ZFYVE9: variants seen among roughly 807,000 people sequenced by gnomAD.
ZFYVE9 encodes zinc finger FYVE-type containing 9.
Under a neutral mutation model 126.7 loss-of-function variants are expected in ZFYVE9, and 43 were observed. That is an observed-to-expected ratio of 0.34 (90% CI 0.27 to 0.44). The LOEUF is 0.44. ZFYVE9 is among the 20% of genes least tolerant of loss of function. The pLI, the probability that ZFYVE9 is intolerant of heterozygous loss-of-function variation, is 1.00. For missense variants in ZFYVE9, 1,476 were observed against 1,697.0 expected (o/e 0.87, Z 2.29); for synonymous variants, 521 against 597.4 (o/e 0.87, Z 1.87).
chr1:52,314,348 C>G (rs1646163265), intron 13 of ZFYVE9, among the ~76,000 whole-genome samples: 1 of 152,256 alleles, frequency 6.6e-6, no homozygotes, highest in South Asian at 2.1e-4. Context: ...AAAAGAAAAA[C>G]TGTCATCCTA....
intron 13 of ZFYVE9, among the ~76,000 whole-genome samples, chr1:52,309,480 A>G (rs1463491518): frequency 1.3e-5 from 2 of 152,164 alleles, no homozygotes; most frequent in East Asian, 3.9e-4. Context: ...CCCTGTCTCA[A>G]AAACAAAAAC....
chr1:52,178,143 G>A (rs1244431742), intron 1 of ZFYVE9, among the ~76,000 whole-genome samples: 4 of 151,500 alleles, frequency 2.6e-5, no homozygotes, highest in Non-Finnish European at 4.4e-5. Flanking sequence ...GCTGGGTGTG[G>A]TGGCTGGCGC....
chr1:52,165,673 G>C (rs985185897), intron 1 of ZFYVE9, among the ~76,000 whole-genome samples: 1 of 152,182 alleles, frequency 6.6e-6, no homozygotes, highest in Non-Finnish European at 1.5e-5. Context: ...GGATTCTGCT[G>C]TTAATAGAGG....
At chr1:52,257,228 A>G (rs1282163778) in intron 4 of ZFYVE9, among the ~76,000 whole-genome samples, 2 of 152,210 alleles carry the variant, frequency 1.3e-5, no homozygotes, top group Non-Finnish European at 2.9e-5. Context: ...TTTAGAACCT[A>G]TTATATGCTA....
At chr1:52,309,888 G>A (rs575442885) in intron 13 of ZFYVE9, among the ~76,000 whole-genome samples, 26 of 152,248 alleles carry the variant, frequency 1.7e-4, no homozygotes, top group African/African-American at 6.0e-4. Flanking sequence ...ATTTTAATAA[G>A]CATTGTATAT....
chr1:52,288,883 G>A (rs1645889278), intron 10 of ZFYVE9, among the ~76,000 whole-genome samples: 1 of 136,200 alleles, frequency 7.3e-6, no homozygotes, highest in Admixed American at 8.2e-5. Flanking sequence ...CTGGGATCAC[G>A]CCACTGTACT....
chr1:52,296,754 C>T (rs1367355265), intron 12 of ZFYVE9, among the ~76,000 whole-genome samples: 1 of 151,420 alleles, frequency 6.6e-6, no homozygotes, highest in Non-Finnish European at 1.5e-5. Flanking sequence ...ACCGAGATTA[C>T]CACTTTGACA....
At chr1:52,321,090 A>G (rs1219659109) in intron 13 of ZFYVE9, among the ~76,000 whole-genome samples, 7 of 152,320 alleles carry the variant, frequency 4.6e-5, no homozygotes, top group East Asian at 1.9e-4. Flanking sequence ...TATTTGTACA[A>G]TTCTCCATCT....
rs1424643044 is a variant in ZFYVE9, at chr1:52,238,067, A to G, written c.650A>G (p.Asn217Ser). Residue 217 changes from asparagine (N) to serine (S), a missense_variant, in exon 4 of 19, where the codon AAT becomes AGT. Around this residue, in one of 2 missense-constraint regions of ZFYVE9, gnomAD observed 807 missense variants for 794.6 expected, o/e 1.02. Transcript: ENST00000287727. ...MNSEKQMDPL[N>S]RPKTEGRSVN... ...TCAGAGAAACAAATGGATCCATTGA[A>G]TAGACCGAAAACAGAGGGGAGATCT... The G allele has an allele frequency of 1.9e-6, 3 of 1,613,952 alleles. No individual in the cohort carries two copies. In the East Asian group the frequency reaches 6.7e-5, roughly 36 times the overall value.
intron 13 of ZFYVE9, among the ~76,000 whole-genome samples, chr1:52,320,529 G>T (rs1646229525): frequency 6.6e-6 from 1 of 152,134 alleles, no homozygotes; most frequent in African/African-American, 2.4e-5. Context: ...ATTAGCAAAA[G>T]GATAATCTTT....
chr1:52,269,503 G>C (rs576714475), intron 7 of ZFYVE9, among the ~76,000 whole-genome samples: 38 of 152,196 alleles, frequency 2.5e-4, no homozygotes, highest in African/African-American at 8.4e-4. Flanking sequence ...TTAATGATAA[G>C]TAATATTTTT....
chr1:52,287,453 A>G (rs1050568943), intron 10 of ZFYVE9, among the ~76,000 whole-genome samples: 7 of 152,078 alleles, frequency 4.6e-5, no homozygotes, highest in East Asian at 1.9e-4. Flanking sequence ...TATGGTTTCA[A>G]TGTTTGTCCA....
intron 13 of ZFYVE9, among the ~76,000 whole-genome samples, chr1:52,320,019 A>G (rs1164636357): frequency 6.7e-6 from 1 of 149,302 alleles, no homozygotes; most frequent in African/African-American, 2.4e-5. Flanking sequence ...CTGTCTCAAA[A>G]AAAAAAAAAA....
intron 1 of ZFYVE9, among the ~76,000 whole-genome samples, chr1:52,215,626 ATAGTCT>A (rs1557461717): frequency 1.3e-5 from 2 of 152,200 alleles, no homozygotes; most frequent in African/African-American, 4.8e-5. Flanking sequence ...TATAATATTC[ATAGTCT>A]TAGTTTTATT....
At chr1:52,227,935 G>A (rs1161707536) in intron 2 of ZFYVE9, among the ~76,000 whole-genome samples, 1 of 152,098 alleles carries the variant, frequency 6.6e-6, no homozygotes, top group Admixed American at 6.6e-5. Context: ...CAGGCTTAAA[G>A]GTTGCTGTCT....
chr1:52,222,070 C>T (rs918309818), intron 2 of ZFYVE9, among the ~76,000 whole-genome samples: 4 of 152,160 alleles, frequency 2.6e-5, no homozygotes, highest in African/African-American at 9.7e-5. Flanking sequence ...GGTATTTCAC[C>T]TCAGGTTCTA....
intron 2 of ZFYVE9, among the ~76,000 whole-genome samples, chr1:52,218,746 T>C (rs1645095532): frequency 6.6e-6 from 1 of 152,204 alleles, no homozygotes; most frequent in African/African-American, 2.4e-5. Flanking sequence ...CTATAGCTAC[T>C]TTGGTTTTGT....
At chr1:52,286,333 A>T (rs961549420) in intron 10 of ZFYVE9, among the ~76,000 whole-genome samples, 1 of 152,170 alleles carries the variant, frequency 6.6e-6, no homozygotes, top group Non-Finnish European at 1.5e-5. Context: ...TATTGAATGA[A>T]CTTTTTTATA....
At chr1:52,236,630 T>C (rs534687585) in intron 3 of ZFYVE9, among the ~76,000 whole-genome samples, 1 of 152,288 alleles carries the variant, frequency 6.6e-6, no homozygotes, top group Non-Finnish European at 1.5e-5. Context: ...AACAGAAACA[T>C]TATATGAAAT....
Sources: allele counts gnomAD v4.1 joint callset (sites outside exome capture counted in the v4.1 genomes callset), GRCh38; gene constraint gnomAD v4.1.1; regional missense constraint gnomAD v4.1.1; transcripts MANE v1.5; gene names NCBI Gene and HGNC (gene_info 2026-07-23, HGNC 2026-07-21).